Variants in ABCC12 observed in about 807,000 individuals in gnomAD.
ABCC12 encodes the protein ATP binding cassette subfamily C member 12.
In ABCC12, 142 loss-of-function variants were observed where a neutral mutation model predicts 151.1. The observed-to-expected ratio is 0.94, with a 90% CI of 0.82 to 1.08. ABCC12 has a LOEUF of 1.08. Ranked by LOEUF, ABCC12 falls within the 50% of genes least tolerant of loss-of-function variation. The pLI, the probability that ABCC12 is intolerant of heterozygous loss-of-function variation, is 0.00. For synonymous variants in ABCC12, 645 were observed against 646.4 expected (o/e 1.00, Z 0.03); for missense variants, 1,638 against 1,691.1 (o/e 0.97, Z 0.55).
chr16:48,105,150 C>T lies in ABCC12; in HGVS notation c.2662G>A (p.Val888Met). The T allele has an allele frequency of 6.2e-7, 1 of 1,614,168 alleles. No homozygotes were observed. The highest frequency in any genetic ancestry group is 8.5e-7 in the Non-Finnish European group (1 of 1,180,030). ...GCTTGTGGCCCTACCTTATCAAACA[C>T]CGTGTCATGCAGAGAGGAGGATGCC... ...LMASSSLHDT[V>M]FDKILKSPMS... The change falls in exon 21 of 31, where the codon GTG (valine) becomes ATG (methionine). Residue 888 changes from valine (V) to methionine (M), a missense_variant. Transcript: ENST00000311303.
chr16:48,149,207 C>A (rs1222560954), intron 2 of ABCC12, among the ~76,000 whole-genome samples: 4 of 60,604 alleles, frequency 6.6e-5, no homozygotes, highest in African/African-American at 1.2e-4. Flanking sequence ...AGAAGTCAGT[C>A]AAGGAAATAA....
At chr16:48,087,778 C>T in intron 27 of ABCC12, 148 bp downstream of exon 27, 1 of 789,210 alleles carries the variant, frequency 1.3e-6, no homozygotes, top group Non-Finnish European at 2.0e-6. Flanking sequence ...AAACAGGGAC[C>T]AGCAGTGCTT....
intron 12 of ABCC12, among the ~76,000 whole-genome samples, 178 bp downstream of exon 12, chr16:48,124,035 C>T (rs1205504842): frequency 6.6e-6 from 1 of 152,276 alleles, no homozygotes; most frequent in African/African-American, 2.4e-5. Flanking sequence ...AACTCAGCCT[C>T]ATCTGGCCCA....
intron 8 of ABCC12, 27 bp downstream of exon 8, chr16:48,138,201 T>C (rs200415087): frequency 1.3e-6 from 2 of 1,577,190 alleles, no homozygotes; most frequent in East Asian, 4.5e-5. Context: ...AGGTAAGTGG[T>C]TCTTTAAGCA....
rs1184465333 is a variant in ABCC12 at position 48,142,856 on chromosome 16, G to A, written c.275+1054C>T. ...AACATGATCTGTGAGTGGGGGGTAAGAAGAGGTACTGATCTGAAGAAGACG... is the reference window on the plus strand; with the variant it reads ...AACATGATCTGTGAGTGGGGGGTAAAAAGAGGTACTGATCTGAAGAAGACG... On this transcript the variant is annotated intron_variant, in intron 4 of 30. Coordinates refer to ENST00000311303, the MANE Select transcript of ABCC12 (RefSeq NM_001393797.1). Among the ~76,000 whole-genome samples the A allele has an allele frequency of 2.6e-5, 4 of 152,304 alleles. No individual in the cohort carries two copies. In the South Asian group the frequency reaches 8.3e-4, roughly 32 times the overall value.
chr16:48,149,150 AT>A (rs1192824454), intron 2 of ABCC12, among the ~76,000 whole-genome samples: 1 of 151,474 alleles, frequency 6.6e-6, no homozygotes, highest in African/African-American at 2.4e-5. Context: ...AAATTATAAC[AT>A]TGTGTTAGCC....
intron 18 of ABCC12, among the ~76,000 whole-genome samples, chr16:48,109,572 A>G (rs1009847594): frequency 6.6e-6 from 1 of 152,004 alleles, no homozygotes; most frequent in Non-Finnish European, 1.5e-5. Flanking sequence ...CTCTGGCCCA[A>G]CAGGAAAAGC....
intron 7 of ABCC12, 42 bp downstream of exon 7, chr16:48,139,121 T>G (rs750484107): frequency 4.6e-6 from 7 of 1,535,764 alleles, no homozygotes; most frequent in Non-Finnish European, 6.1e-6. Context: ...GTGTGTGAAA[T>G]GCAAATACAA....
chr16:48,126,978 G>A (rs978871672), intron 11 of ABCC12, among the ~76,000 whole-genome samples: 29 of 152,250 alleles, frequency 1.9e-4, no homozygotes, highest in African/African-American at 3.9e-4. Context: ...AAGGCAGGGC[G>A]GGGGGAAGTC....
chr16:48,124,589 A>C (rs1028170353), intron 11 of ABCC12, among the ~76,000 whole-genome samples: 32 of 152,264 alleles, frequency 2.1e-4, no homozygotes, highest in African/African-American at 7.7e-4. Flanking sequence ...TGGGAGACAC[A>C]GGCCTTGAAC....
intron 10 of ABCC12, among the ~76,000 whole-genome samples, chr16:48,129,954 C>T (rs1448999470): frequency 6.6e-6 from 1 of 152,122 alleles, no homozygotes; most frequent in African/African-American, 2.4e-5. Flanking sequence ...CAATGGCACC[C>T]CTTAAAATGG....
At chr16:48,141,469 G>C (rs1401916101) in intron 4 of ABCC12, 116 bp from the exon 5 acceptor site, 1 of 1,377,718 alleles carries the variant, frequency 7.3e-7, no homozygotes. Flanking sequence ...CCCTGGCAGT[G>C]GTGCCTTCCA....
At chr16:48,150,785 C>G (rs374689954) in intron 2 of ABCC12, among the ~76,000 whole-genome samples, 14 of 152,132 alleles carry the variant, frequency 9.2e-5, no homozygotes, top group African/African-American at 3.4e-4. Flanking sequence ...AGTGCATAAA[C>G]ACATATCTAT....
rs892577220 is a variant in ABCC12 at position 48,086,886 on chromosome 16, G to A, written c.3636-67C>T. ...AGGACGAGAGGATGGATGCGGAGCA[G>A]GTTTTCTGTAGCATGTGGAGGAGGG... is the stretch of plus-strand genomic sequence containing the variant. On this transcript the variant is annotated intron_variant, in intron 27 of 30. Coordinates refer to ENST00000311303, the MANE Select transcript of ABCC12 (RefSeq NM_001393797.1). 1.2e-5 allele frequency: 16 copies of A among 1,371,750 alleles called. No individual in the cohort carries two copies. In the Admixed American group the frequency reaches 2.7e-4, roughly 23 times the overall value. The allele number at this position is 1,371,750 out of a possible 1,614,324, so 85.0% of individuals were successfully genotyped here.
intron 21 of ABCC12, 94 bp downstream of exon 21, chr16:48,105,045 C>T: frequency 7.0e-7 from 1 of 1,430,868 alleles, no homozygotes; most frequent in Non-Finnish European, 9.8e-7. Context: ...TCTGGCTGTC[C>T]CCAGAGCCCA....
chr16:48,114,690 AG>A (rs1169890250), intron 15 of ABCC12, among the ~76,000 whole-genome samples: 2 of 152,126 alleles, frequency 1.3e-5, no homozygotes, highest in Non-Finnish European at 2.9e-5. Flanking sequence ...AAGAAGAGAG[AG>A]GGAGATGGTC....
At chr16:48,132,081 A>G (rs1417962954) in intron 9 of ABCC12, among the ~76,000 whole-genome samples, 2 of 152,252 alleles carry the variant, frequency 1.3e-5, no homozygotes, top group African/African-American at 2.4e-5. Flanking sequence ...CCTCTAAACT[A>G]TCATGTTGGA....
chr16:48,117,387 GC>G, intron 13 of ABCC12, 54 bp from the exon 14 acceptor site: 1 of 1,581,788 alleles, frequency 6.3e-7, no homozygotes. Context: ...AAGCACTGCT[GC>G]CCTGGGCTGC....
chr16:48,088,465 C>G, intron 26 of ABCC12, 80 bp downstream of exon 26: 1 of 1,477,976 alleles, frequency 6.8e-7, no homozygotes, highest in Non-Finnish European at 9.2e-7. Flanking sequence ...ACATCACTCT[C>G]TGGTGTGACT....
Sources: gnomAD v4.1 joint callset for allele counts (sites outside exome capture counted in the v4.1 genomes callset) on GRCh38, gnomAD v4.1.1 for gene constraint, MANE v1.5 for transcripts, NCBI Gene and HGNC (gene_info 2026-07-23, HGNC 2026-07-21) for gene names.